FKBP5: variants seen among roughly 807,000 people sequenced by gnomAD.
FKBP5 encodes the protein peptidyl-prolyl cis-trans isomerase FKBP5.
In FKBP5, 23 loss-of-function variants were observed where a neutral mutation model predicts 50.5. The ratio of observed to expected loss-of-function variants is 0.46; its 90% confidence interval spans 0.33 to 0.65. The LOEUF (loss-of-function observed/expected upper bound fraction) is 0.65. Ranked by LOEUF, FKBP5 falls within the 30% of genes least tolerant of loss-of-function variation. The probability of loss-of-function intolerance (pLI) is 0.02; values close to 1 mark genes in which losing one functional copy is unlikely to be tolerated. For synonymous variants in FKBP5, 176 were observed against 190.6 expected (o/e 0.92, Z 0.63); for missense variants, 411 against 553.1 (o/e 0.74, Z 2.58).
intron 3 of FKBP5, among the ~76,000 whole-genome samples, chr6:35,635,837 C>T (rs937995829): frequency 6.6e-6 from 1 of 152,102 alleles, no homozygotes; most frequent in Non-Finnish European, 1.5e-5. Flanking sequence ...GGTTGAAGTA[C>T]ATAGAGAAGA....
chr6:35,658,432 A>G (rs1001223000), intron 1 of FKBP5, among the ~76,000 whole-genome samples: 1 of 151,944 alleles, frequency 6.6e-6, no homozygotes, highest in African/African-American at 2.4e-5. Flanking sequence ...AATTGGGAAT[A>G]GCAGATATCT....
chr6:35,619,246 C>T (rs537591246), intron 4 of FKBP5, 36 bp from the exon 5 acceptor site: 2 of 1,409,660 alleles, frequency 1.4e-6, no homozygotes, highest in Non-Finnish European at 2.0e-6. Flanking sequence ...GAGAAAAGAC[C>T]AAATAAAGCC....
At position 35,574,065 on chromosome 6, in the gene FKBP5, T is replaced by A. The variant is rs1345637429; in HGVS notation, c.*1770A>T. ...GTTTAGCAAGTAAGCAAAATCAGCT[T>A]TTGCTCTTCATATTTCGTAGGTGAG... On this transcript the variant is annotated 3_prime_UTR_variant, in exon 11 of 11. Transcript: ENST00000357266. 1 of 152,202 alleles carries A rather than the reference T, an allele frequency of 6.6e-6. No homozygotes were observed. Among genetic ancestry groups the A allele is most frequent in the East Asian group, 1.9e-4 (1 of 5,204 alleles). 9.4% of individuals were successfully genotyped at this position (152,202 alleles called of 1,614,324 possible). A position where few individuals can be genotyped will look rare whatever the true frequency, so the allele number is the denominator to read the frequency against.
intron 1 of FKBP5, among the ~76,000 whole-genome samples, chr6:35,725,671 G>T (rs1427545404): frequency 6.6e-6 from 1 of 152,092 alleles, no homozygotes; most frequent in Non-Finnish European, 1.5e-5. Context: ...GTGGAAGATG[G>T]GGAGATGAGA....
At chr6:35,631,739 G>A (rs151086740) in intron 3 of FKBP5, among the ~76,000 whole-genome samples, 1,845 of 151,998 alleles carry the variant, frequency 0.012, 29 homozygotes, top group African/African-American at 0.038. Context: ...GGTGGATCAC[G>A]AGGTCAGGAG....
chr6:35,689,481 C>G (rs1462818076), upstream of FKBP5, among the ~76,000 whole-genome samples: 1 of 151,974 alleles, frequency 6.6e-6, no homozygotes, highest in African/African-American at 2.4e-5. Flanking sequence ...CTGTAAAGAC[C>G]ATACTTTCTC....
At chr6:35,700,752 G>T (rs1766165960) in intron 2 of FKBP5, among the ~76,000 whole-genome samples, 1 of 152,152 alleles carries the variant, frequency 6.6e-6, no homozygotes, top group South Asian at 2.1e-4. Flanking sequence ...GAGGTCAGGA[G>T]TTCGAGACCA....
chr6:35,658,129 C>A (rs950637612), intron 1 of FKBP5, among the ~76,000 whole-genome samples: 3 of 151,678 alleles, frequency 2.0e-5, no homozygotes, highest in Non-Finnish European at 4.4e-5. Context: ...GTAATCCCAG[C>A]ACTTTGGGAG....
chr6:35,597,889 T>G (rs1431893886), intron 5 of FKBP5, among the ~76,000 whole-genome samples: 1 of 152,344 alleles, frequency 6.6e-6, no homozygotes, highest in East Asian at 1.9e-4. Flanking sequence ...TGCTCCTTCT[T>G]CTTTAAGAGT....
chr6:35,726,849 C>T (rs930795903), intron 1 of FKBP5, among the ~76,000 whole-genome samples: 3 of 152,048 alleles, frequency 2.0e-5, no homozygotes, highest in Non-Finnish European at 4.4e-5. Flanking sequence ...TGGTGGGAGG[C>T]GGGGGCAGTG....
At chr6:35,620,020 T>A in intron 4 of FKBP5, 112 bp downstream of exon 4, 2 of 1,309,852 alleles carry the variant, frequency 1.5e-6, no homozygotes, top group Non-Finnish European at 2.1e-6. Context: ...AATAAGTAAG[T>A]TGGATCTGAT....
chr6:35,648,826 G>A (rs1342357192), intron 1 of FKBP5, among the ~76,000 whole-genome samples: 1 of 152,120 alleles, frequency 6.6e-6, no homozygotes, highest in Non-Finnish European at 1.5e-5. Flanking sequence ...GCGGGCACCT[G>A]TAATTCCAGC....
At chr6:35,615,733 G>A (rs892479506) in intron 5 of FKBP5, among the ~76,000 whole-genome samples, 1 of 152,136 alleles carries the variant, frequency 6.6e-6, no homozygotes, top group Non-Finnish European at 1.5e-5. Flanking sequence ...ATGTCAAAAT[G>A]AGTGTGTAAA....
intron 1 of FKBP5, among the ~76,000 whole-genome samples, chr6:35,682,409 T>C (rs571588582): frequency 8.1e-4 from 123 of 152,326 alleles, no homozygotes; most frequent in African/African-American, 2.9e-3. Context: ...TCAAATTCAC[T>C]GTGCAATTTT....
intron 1 of FKBP5, among the ~76,000 whole-genome samples, chr6:35,666,419 A>AAAAAAAAAAAAAAAAAAT (rs71002586): frequency 6.9e-6 from 1 of 145,148 alleles, no homozygotes; most frequent in Non-Finnish European, 1.5e-5. Flanking sequence ...AAAAAAAAAA[A>AAAAAAAAAAAAAAAAAAT]GGAGGGGAGT....
At chr6:35,639,728 A>G (rs921517427) in intron 2 of FKBP5, among the ~76,000 whole-genome samples, 2 of 152,246 alleles carry the variant, frequency 1.3e-5, no homozygotes, top group Non-Finnish European at 1.5e-5. Context: ...GACTTAGCAC[A>G]TAATAGCAAT....
intron 1 of FKBP5, among the ~76,000 whole-genome samples, chr6:35,726,891 G>T (rs1766724622): frequency 6.6e-6 from 1 of 152,182 alleles, no homozygotes; most frequent in African/African-American, 2.4e-5. Context: ...AGCAGACTTT[G>T]TTTCTGCCTC....
chr6:35,680,251 C>T (rs1765630900), intron 1 of FKBP5, among the ~76,000 whole-genome samples: 1 of 152,194 alleles, frequency 6.6e-6, no homozygotes, highest in Non-Finnish European at 1.5e-5. Flanking sequence ...AGCAACACAG[C>T]AAGACTCTGT....
intron 1 of FKBP5, among the ~76,000 whole-genome samples, chr6:35,649,947 A>C (rs1313997072): frequency 6.6e-6 from 1 of 152,242 alleles, no homozygotes; most frequent in Non-Finnish European, 1.5e-5. Context: ...TACTATAAAA[A>C]TATACAGTTT....
Sources: allele counts gnomAD v4.1 joint callset (sites outside exome capture counted in the v4.1 genomes callset), GRCh38; gene constraint gnomAD v4.1.1; transcripts MANE v1.5; gene names NCBI Gene and HGNC (gene_info 2026-07-23, HGNC 2026-07-21).